OLAH: variants seen among roughly 807,000 people sequenced by gnomAD.
OLAH encodes oleoyl-ACP hydrolase.
In OLAH, 33 loss-of-function variants were observed where a neutral mutation model predicts 27.8. The ratio of observed to expected loss-of-function variants is 1.19; its 90% CI spans 0.90 to 1.59. OLAH has a LOEUF of 1.59. Among genes scored for constraint, OLAH ranks in the 40% most tolerant of loss-of-function variants. The pLI, the probability that OLAH is intolerant of heterozygous loss-of-function variation, is 0.00. For synonymous variants in OLAH, 120 were observed against 102.9 expected (o/e 1.17, Z -1.01); for missense variants, 359 against 310.8 (o/e 1.16, Z -1.17).
intron 6 of OLAH, 119 bp downstream of exon 6, chr10:15,065,872 A>G: frequency 2.2e-6 from 2 of 894,010 alleles, no homozygotes; most frequent in Non-Finnish European, 3.4e-6. Context: ...GTTTGGTTTC[A>G]TTTCCTTTGG....
chr10:15,047,699 T>C (rs1055446703), intron 2 of OLAH, among the ~76,000 whole-genome samples: 2 of 151,686 alleles, frequency 1.3e-5, no homozygotes, highest in Admixed American at 6.6e-5. Context: ...CAAGAATCCA[T>C]CTCAAAAAAA....
At chr10:15,071,615 C>T in intron 6 of OLAH, 180 bp from the exon 7 acceptor site, 2 of 984,818 alleles carry the variant, frequency 2.0e-6, no homozygotes, top group Non-Finnish European at 2.4e-6. Context: ...TTAGTCTCCA[C>T]ACTGAGTCTC....
chr10:15,058,503 C>T (rs558464226), intron 3 of OLAH, among the ~76,000 whole-genome samples: 3 of 151,988 alleles, frequency 2.0e-5, no homozygotes, highest in Non-Finnish European at 4.4e-5. Flanking sequence ...CTCTCTTGAC[C>T]TTTGTGCTAC....
chr10:15,053,448 G>A (rs1362412286), intron 3 of OLAH, among the ~76,000 whole-genome samples: 1 of 152,164 alleles, frequency 6.6e-6, no homozygotes, highest in Non-Finnish European at 1.5e-5. Context: ...AAACTAGTAA[G>A]GGAAAAACAC....
chr10:15,064,366 T>A (rs937240785), intron 4 of OLAH, 37 bp from the exon 5 acceptor site: 2 of 1,294,546 alleles, frequency 1.5e-6, no homozygotes, highest in Non-Finnish European at 2.2e-6. Context: ...GAGTTTTGCT[T>A]AACAGTTCTT....
intron 3 of OLAH, among the ~76,000 whole-genome samples, chr10:15,055,802 T>C (rs1844234203): frequency 6.6e-6 from 1 of 151,932 alleles, no homozygotes; most frequent in African/African-American, 2.4e-5. Flanking sequence ...CCTCAAACAC[T>C]GACTTAAGCA....
intron 2 of OLAH, among the ~76,000 whole-genome samples, chr10:15,048,298 AC>A (rs796491681): frequency 1.5e-4 from 22 of 150,330 alleles, no homozygotes; most frequent in Admixed American, 3.3e-4. Context: ...GCTCACTGCA[AC>A]CCCCCCCTCC....
At chr10:15,057,461 C>T (rs112796077) in intron 3 of OLAH, among the ~76,000 whole-genome samples, 1 of 142,978 alleles carries the variant, frequency 7.0e-6, no homozygotes, top group African/African-American at 2.6e-5. Context: ...TCTCAGCTCA[C>T]TGCAGCTTCT....
chr10:15,037,450 G>A (rs1441591978), intron 1 of OLAH, among the ~76,000 whole-genome samples: 3 of 151,958 alleles, frequency 2.0e-5, no homozygotes, highest in African/African-American at 4.8e-5. Context: ...GCATGGTGGC[G>A]AGCGCCTGTA....
intron 1 of OLAH, among the ~76,000 whole-genome samples, chr10:15,045,615 T>C (rs1466138709): frequency 5.9e-5 from 9 of 152,156 alleles, no homozygotes; most frequent in Admixed American, 4.6e-4. Flanking sequence ...TTTAGGCACA[T>C]CTTTCTGTTC....
At chr10:15,042,300 C>T (rs1000494454), upstream of OLAH, among the ~76,000 whole-genome samples, 47 of 152,096 alleles carry the variant, frequency 3.1e-4, no homozygotes, top group African/African-American at 8.9e-4. Flanking sequence ...TACAGGCACC[C>T]GCCATCACGC....
At chr10:15,053,622 A>T (rs1209608268) in intron 3 of OLAH, among the ~76,000 whole-genome samples, 7 of 152,150 alleles carry the variant, frequency 4.6e-5, no homozygotes, top group Non-Finnish European at 1.0e-4. Context: ...CCCAAGTCAA[A>T]GGTCAAACAG....
At chr10:15,032,705 C>T (rs1029174754) in intron 1 of OLAH, among the ~76,000 whole-genome samples, 2 of 151,818 alleles carry the variant, frequency 1.3e-5, no homozygotes, top group African/African-American at 4.8e-5. Flanking sequence ...AAGTTTCTCA[C>T]TAGCGGTTTA....
At chr10:15,070,723 C>T (rs1844566979) in intron 6 of OLAH, among the ~76,000 whole-genome samples, 1 of 151,802 alleles carries the variant, frequency 6.6e-6, no homozygotes, top group African/African-American at 2.4e-5. Context: ...TCAGGTGATC[C>T]ACCCACCTCG....
chr10:15,045,059 G>A (rs1338521626), intron 1 of OLAH, among the ~76,000 whole-genome samples: 1 of 152,154 alleles, frequency 6.6e-6, no homozygotes, highest in African/African-American at 2.4e-5. Context: ...AAAGCATCTA[G>A]AGGTTTCAAT....
At position 15,073,196 on chromosome 10, in the gene OLAH, G is replaced by A. The variant is rs766109957; in HGVS notation, c.765G>A (p.Lys255=). The A allele has an allele frequency of 3.1e-6, 5 of 1,599,584 alleles. No individual in the cohort carries two copies. Among genetic ancestry groups the A allele is most frequent in the Non-Finnish European group, 2.6e-6 (3 of 1,171,264 alleles). ...AATTAATCAAGAACTACATAATCAAGTGTCTAGAAGTATCATCGATATCCA... is the reference window on the plus strand; with the variant it reads ...AATTAATCAAGAACTACATAATCAAATGTCTAGAAGTATCATCGATATCCA... ...NEKLIKNYII[K]CLEVSSISNF Residue 255 remains lysine, a synonymous_variant, in exon 8 of 8, where the codon AAG becomes AAA. Transcript: ENST00000378228.
intron 4 of OLAH, 21 bp from the exon 5 acceptor site, chr10:15,064,382 G>C: frequency 1.4e-6 from 2 of 1,472,168 alleles, no homozygotes; most frequent in Non-Finnish European, 1.9e-6. Context: ...TTCTTGTCAT[G>C]TTTTTCTTTG....
At position 15,060,772 on chromosome 10, in the gene OLAH, G is replaced by C. The variant is rs77055875; in HGVS notation, c.164-952G>C. The stretch of plus-strand genomic sequence containing the variant: ...TACGTTTGATGCTCTCCCTGGAGTT[G>C]TTATGGGTCATACCTTCCAGCTTTT... On this transcript the variant is annotated intron_variant, in intron 3 of 7. Coordinates refer to ENST00000378228, the MANE Select transcript of OLAH (RefSeq NM_001039702.3). Among the ~76,000 whole-genome samples, 277 of 152,204 alleles carry C rather than the reference G, an allele frequency of 1.8e-3. 2 individuals carry two copies. The highest frequency in any genetic ancestry group is 6.3e-3 in the African/African-American group (261 of 41,524).
chr10:15,058,460 G>T (rs1844289348), intron 3 of OLAH, among the ~76,000 whole-genome samples: 1 of 152,106 alleles, frequency 6.6e-6, no homozygotes, highest in Non-Finnish European at 1.5e-5. Flanking sequence ...CATTTTTAAT[G>T]AAAGAATCTT....
Sources: gnomAD v4.1 joint callset for allele counts (sites outside exome capture counted in the v4.1 genomes callset) on GRCh38, gnomAD v4.1.1 for gene constraint, MANE v1.5 for transcripts, NCBI Gene and HGNC (gene_info 2026-07-23, HGNC 2026-07-21) for gene names.